EGF: variants seen among roughly 807,000 people sequenced by gnomAD.
EGF encodes the protein epidermal growth factor, also known as pro-epidermal growth factor.
Under a neutral mutation model 143.8 loss-of-function variants are expected in EGF, and 95 were observed. The ratio of observed to expected loss-of-function variants is 0.66; its 90% CI spans 0.56 to 0.78. EGF has a LOEUF of 0.78. EGF is among the 30% of genes least tolerant of loss of function. The pLI is 0.00. For synonymous variants in EGF, 510 were observed against 510.5 expected (o/e 1.00, Z 0.01); for missense variants, 1,320 against 1,470.9 (o/e 0.90, Z 1.68).
chr4:109,971,586 T>G (rs1715546421), intron 11 of EGF, among the ~76,000 whole-genome samples: 1 of 152,188 alleles, frequency 6.6e-6, no homozygotes, highest in South Asian at 2.1e-4. Flanking sequence ...GGCACCACTG[T>G]TTCCTGGAGA....
At position 110,011,301 on chromosome 4, in the gene EGF, G is replaced by C; in HGVS notation, c.3470G>C (p.Cys1157Ser). ...WIPVSSDKGS[C>S]PQVMERSFHM... ...CCAGTATCCAGTGATAAGGGCTCCT[G>C]TCCCCAGGTAATGGAGCGAAGCTTT... The change falls in exon 24 of 24, where the codon TGT becomes TCT. Residue 1157 changes from cysteine to serine, a missense_variant. Physicochemically the swap from Cys to Ser is moderately radical, Grantham distance 112 (BLOSUM62 -1). This residue lies in a region of EGF where 1,186 missense variants were observed against 1,313.7 expected (regional missense o/e 0.90). Transcript: ENST00000265171. 1 of 1,614,150 alleles carries C rather than the reference G, an allele frequency of 6.2e-7. No homozygotes were observed. The highest frequency in any genetic ancestry group is 1.1e-5 in the South Asian group (1 of 91,084).
intron 14 of EGF, 147 bp downstream of exon 14, chr4:109,980,286 G>A (rs1749150403): frequency 2.3e-6 from 2 of 867,490 alleles, no homozygotes; most frequent in Non-Finnish European, 3.3e-6. Flanking sequence ...TAAGATTTAA[G>A]TTTGTTTAAG....
chr4:109,937,629 A>C (rs1334688852), intron 1 of EGF, among the ~76,000 whole-genome samples: 1 of 152,158 alleles, frequency 6.6e-6, no homozygotes, highest in East Asian at 1.9e-4. Context: ...ACCATTTGAC[A>C]TGTTTTTGCA....
chr4:109,964,684 G>A lies in EGF; in HGVS notation c.1575+147G>A, dbSNP rs1160734389. On this transcript the variant is annotated intron_variant, in intron 10 of 23. Coordinates refer to ENST00000265171, the MANE Select transcript of EGF (RefSeq NM_001963.6). ...GAACAAGTTAAATATAGATATTGGA[G>A]TAACACTTGAGAAATTTTAAGGACT... 11 of 1,221,246 alleles carry A rather than the reference G, an allele frequency of 9.0e-6. No homozygotes were observed. The East Asian group carries it at 1.9e-4, about 21-fold the overall frequency. 75.7% of individuals were successfully genotyped at this position (1,221,246 alleles called of 1,614,324 possible).
chr4:109,999,961 C>T (rs1018771041), intron 21 of EGF, 115 bp downstream of exon 21: 30 of 1,484,556 alleles, frequency 2.0e-5, no homozygotes, highest in Non-Finnish European at 2.4e-5. Flanking sequence ...ACATTTAAAA[C>T]GTGAAATAGG....
At chr4:109,944,203 GC>G (rs775759401) in intron 4 of EGF, 134 bp downstream of exon 4, 2 of 979,894 alleles carry the variant, frequency 2.0e-6, no homozygotes, top group Non-Finnish European at 3.1e-6. Flanking sequence ...CTTGAGTTTG[GC>G]CGGGCGCGGC....
At chr4:109,918,231 C>A (rs1183315064) in intron 1 of EGF, among the ~76,000 whole-genome samples, 1 of 150,586 alleles carries the variant, frequency 6.6e-6, no homozygotes, top group African/African-American at 2.4e-5. Context: ...AAGCTCTGTT[C>A]CTTTCTCTTG....
intron 16 of EGF, among the ~76,000 whole-genome samples, chr4:109,985,330 T>G (rs1000493049): frequency 2.0e-5 from 3 of 152,214 alleles, no homozygotes; most frequent in Non-Finnish European, 4.4e-5. Flanking sequence ...CAGAGTGAGA[T>G]TTCACATCAA....
chr4:109,943,775 T>G, intron 3 of EGF, 67 bp from the exon 4 acceptor site: 2 of 1,361,150 alleles, frequency 1.5e-6, no homozygotes, highest in Non-Finnish European at 1.0e-6. Flanking sequence ...GCTGAAACAT[T>G]GAGAGAGTTG....
rs11569153 is a variant in EGF, at chr4:110,013,278, C to G, written c.*1823C>G. Among the ~76,000 whole-genome samples the G allele has an allele frequency of 8.0e-4, 122 of 152,166 alleles. No individual in the cohort carries two copies. Among genetic ancestry groups the G allele is most frequent in the African/African-American group, 2.7e-3 (114 of 41,512 alleles). On this transcript the variant is annotated 3_prime_UTR_variant, in exon 24 of 24. Coordinates refer to ENST00000265171, the MANE Select transcript of EGF (RefSeq NM_001963.6). ...TAGATTAAATTTTTGTATTTTAGCACCTTTTTCTTTTAGGGGTTCAATGAT... is the reference window on the plus strand; with the variant it reads ...TAGATTAAATTTTTGTATTTTAGCAGCTTTTTCTTTTAGGGGTTCAATGAT...
intron 4 of EGF, among the ~76,000 whole-genome samples, chr4:109,944,473 CGTCTG>C (rs1742513068): frequency 6.6e-6 from 1 of 152,200 alleles, no homozygotes; most frequent in Non-Finnish European, 1.5e-5. Context: ...CCAGATTTAC[CGTCTG>C]TTAGATGAGT....
chr4:109,913,780 T>C (rs1736118307), intron 1 of EGF, among the ~76,000 whole-genome samples: 1 of 151,672 alleles, frequency 6.6e-6, no homozygotes, highest in Non-Finnish European at 1.5e-5. Context: ...ACCTGGCTAA[T>C]TGCTTGGAAA....
intron 1 of EGF, among the ~76,000 whole-genome samples, chr4:109,919,316 T>G (rs906036863): frequency 1.5e-4 from 22 of 146,266 alleles, no homozygotes; most frequent in Admixed American, 2.7e-4. Context: ...TCTCTCTCTC[T>G]CTCTCTCTCT....
intron 1 of EGF, among the ~76,000 whole-genome samples, chr4:109,931,851 G>T (rs1739759079): frequency 1.3e-5 from 2 of 152,184 alleles, no homozygotes; most frequent in South Asian, 2.1e-4. Flanking sequence ...GGATCTGTAT[G>T]CTATGATTAG....
chr4:110,004,244 ACACACACAAAC>A, intron 21 of EGF: 2 of 487,820 alleles, frequency 4.1e-6, no homozygotes, highest in Non-Finnish European at 7.5e-6. Flanking sequence ...ACACACACAC[ACACACACAAAC>A]ACACACACAC....
chr4:109,963,039 TG>T, intron 8 of EGF, 133 bp from the exon 9 acceptor site: 1 of 1,073,382 alleles, frequency 9.3e-7, no homozygotes, highest in South Asian at 1.3e-5. Context: ...CACTCCAGCC[TG>T]GGTGAAAGAG....
At chr4:110,005,410 C>T (rs1383508566) in intron 22 of EGF, among the ~76,000 whole-genome samples, 1 of 152,088 alleles carries the variant, frequency 6.6e-6, no homozygotes, top group Non-Finnish European at 1.5e-5. Context: ...TTCTCACACA[C>T]ATTTCAACTC....
chr4:109,954,058 T>C (rs1744378471), intron 5 of EGF, among the ~76,000 whole-genome samples: 1 of 152,206 alleles, frequency 6.6e-6, no homozygotes, highest in Admixed American at 6.5e-5. Flanking sequence ...TATTTATTTA[T>C]TTATTTATTT....
intron 1 of EGF, among the ~76,000 whole-genome samples, chr4:109,937,915 C>T (rs1318120519): frequency 6.6e-6 from 1 of 152,136 alleles, no homozygotes; most frequent in East Asian, 1.9e-4. Context: ...TTGTGGGTAA[C>T]TCGACCTTTC....
Sources: gnomAD v4.1 joint callset for allele counts (sites outside exome capture counted in the v4.1 genomes callset) on GRCh38, gnomAD v4.1.1 for gene constraint, gnomAD v4.1.1 regional missense constraint, MANE v1.5 for transcripts, NCBI Gene and HGNC (gene_info 2026-07-23, HGNC 2026-07-21) for gene names.